The following MSRA variants were observed in gnomAD, a reference collection of about 807,000 sequenced individuals.
MSRA encodes the protein methionine sulfoxide reductase A.
In MSRA, 54 loss-of-function variants were observed where a neutral mutation model predicts 31.3. That is an observed-to-expected ratio of 1.73 (90% CI 1.39 to 2.17). The LOEUF is 2.17. Among genes scored for constraint, MSRA ranks in the 30% most tolerant of loss-of-function variants. The pLI is 0.00. For synonymous variants in MSRA, 169 were observed against 116.5 expected (o/e 1.45, Z -2.90); for missense variants, 507 against 300.9 (o/e 1.69, Z -5.07).
At chr8:10,114,937 A>T (rs916226846) in intron 1 of MSRA, among the ~76,000 whole-genome samples, 2 of 152,214 alleles carry the variant, frequency 1.3e-5, no homozygotes, top group Non-Finnish European at 2.9e-5. Flanking sequence ...CTCAAGATAT[A>T]TTTGGGGGAA....
At chr8:10,157,650 C>G (rs1003471193) in intron 1 of MSRA, among the ~76,000 whole-genome samples, 1 of 151,940 alleles carries the variant, frequency 6.6e-6, no homozygotes, top group African/African-American at 2.4e-5. Context: ...AATAATAGTT[C>G]TTTAATATCA....
At chr8:10,197,217 G>A (rs1189403716) in intron 1 of MSRA, among the ~76,000 whole-genome samples, 1 of 152,142 alleles carries the variant, frequency 6.6e-6, no homozygotes, top group Admixed American at 6.6e-5. Context: ...ATAAAAGTCA[G>A]GTGGAAAATT....
intron 3 of MSRA, among the ~76,000 whole-genome samples, chr8:10,249,854 C>T (rs1563268597): frequency 6.6e-6 from 1 of 152,190 alleles, no homozygotes; most frequent in Non-Finnish European, 1.5e-5. Flanking sequence ...ATCTGGCTGG[C>T]ACTAGGGAAC....
At chr8:10,389,807 T>C (rs1806624959) in intron 5 of MSRA, among the ~76,000 whole-genome samples, 3 of 114,598 alleles carry the variant, frequency 2.6e-5, no homozygotes, top group East Asian at 2.1e-4. Flanking sequence ...TTTTTTTTTC[T>C]TTTTTAGAAG....
chr8:10,389,615 G>A (rs999876724), intron 5 of MSRA, among the ~76,000 whole-genome samples: 3 of 152,102 alleles, frequency 2.0e-5, no homozygotes, highest in Non-Finnish European at 4.4e-5. Context: ...CCCACCCACC[G>A]GGGAGCAGGC....
intron 3 of MSRA, among the ~76,000 whole-genome samples, chr8:10,267,001 C>G (rs1161840902): frequency 6.6e-6 from 1 of 152,084 alleles, no homozygotes; most frequent in African/African-American, 2.4e-5. Flanking sequence ...TGTTATATTC[C>G]TGATTATATT....
In MSRA at chr8:10,096,100, T is replaced by C. The variant is rs74506146; in HGVS notation, c.142+41442T>C. On this transcript the variant is annotated intron_variant, in intron 1 of 5. Coordinates refer to ENST00000317173, the MANE Select transcript of MSRA (RefSeq NM_012331.5). ...TTAGACATTTATAGACATTAACTTT[T>C]CAAGGAGCCTTTCTAAGATTTTATG... 802 of 1,311,012 alleles carry C rather than the reference T, an allele frequency of 6.1e-4. 8 individuals are homozygous for C. The East Asian group carries it at 0.012, about 20-fold the overall frequency. The allele number at this position is 1,311,012 out of a possible 1,614,324, so 81.2% of individuals were successfully genotyped here. A position where few individuals can be genotyped will look rare whatever the true frequency, so the allele number is the denominator to read the frequency against.
chr8:10,197,987 T>C (rs919431665), intron 1 of MSRA, among the ~76,000 whole-genome samples: 13 of 152,088 alleles, frequency 8.5e-5, no homozygotes, highest in Admixed American at 8.5e-4. Flanking sequence ...GAAGAGAGGG[T>C]GACTGCTTTC....
chr8:10,271,439 G>C (rs1002777142), intron 3 of MSRA, among the ~76,000 whole-genome samples: 2 of 30,490 alleles, frequency 6.6e-5, no homozygotes, highest in South Asian at 1.6e-3. Context: ...CTAAGGGATG[G>C]AAATTGACTA....
At chr8:10,066,875 C>CTT (rs35203671) in intron 1 of MSRA, among the ~76,000 whole-genome samples, 29 of 141,716 alleles carry the variant, frequency 2.0e-4, no homozygotes, top group Non-Finnish European at 2.5e-4. Flanking sequence ...TCTTAAATGA[C>CTT]TTTTTTTTTT....
intron 5 of MSRA, among the ~76,000 whole-genome samples, chr8:10,368,030 C>G (rs996723698): frequency 6.6e-6 from 1 of 152,074 alleles, no homozygotes; most frequent in African/African-American, 2.4e-5. Context: ...GTGGAGCTGC[C>G]GGACGGTAGA....
intron 5 of MSRA, among the ~76,000 whole-genome samples, chr8:10,408,640 A>G (rs952898162): frequency 1.3e-5 from 2 of 152,346 alleles, no homozygotes; most frequent in South Asian, 4.1e-4. Context: ...TTGCATGCAT[A>G]CATTGTGTAG....
intron 5 of MSRA, among the ~76,000 whole-genome samples, chr8:10,417,804 G>A (rs915575208): frequency 1.4e-5 from 2 of 143,264 alleles, no homozygotes; most frequent in Middle Eastern, 7.2e-3. Flanking sequence ...GTGTGCACAC[G>A]CAGGACAAGC....
At chr8:10,292,617 C>G (rs768369189) in intron 3 of MSRA, among the ~76,000 whole-genome samples, 3 of 152,210 alleles carry the variant, frequency 2.0e-5, no homozygotes, top group Non-Finnish European at 2.9e-5. Context: ...CAAAGTCAGT[C>G]CCACAGAATC....
At chr8:10,058,059 C>T (rs892123410) in intron 1 of MSRA, among the ~76,000 whole-genome samples, 1 of 152,142 alleles carries the variant, frequency 6.6e-6, no homozygotes, top group Non-Finnish European at 1.5e-5. Context: ...ATAACTTTGA[C>T]AAGTTTGATT....
chr8:10,259,019 AT>A (rs1307262531), intron 3 of MSRA, among the ~76,000 whole-genome samples: 1 of 152,050 alleles, frequency 6.6e-6, no homozygotes, highest in African/African-American at 2.4e-5. Context: ...AGGCAGGAGA[AT>A]CACTTGAACC....
intron 5 of MSRA, among the ~76,000 whole-genome samples, chr8:10,400,987 G>T (rs953736385): frequency 1.3e-5 from 2 of 152,116 alleles, no homozygotes; most frequent in African/African-American, 4.8e-5. Context: ...ATCTCTGATG[G>T]AGTTGGTACT....
At chr8:10,066,943 C>T (rs1270787463) in intron 1 of MSRA, among the ~76,000 whole-genome samples, 2 of 151,380 alleles carry the variant, frequency 1.3e-5, no homozygotes, top group African/African-American at 2.4e-5. Context: ...AGTTCCCATA[C>T]ACACTCCTCC....
chr8:10,289,145 A>G (rs1047738784), intron 3 of MSRA, among the ~76,000 whole-genome samples: 1 of 152,044 alleles, frequency 6.6e-6, no homozygotes, highest in Admixed American at 6.6e-5. Flanking sequence ...TCTCTGGAGT[A>G]GCTGGGTTTA....
Sources: allele counts gnomAD v4.1 joint callset (sites outside exome capture counted in the v4.1 genomes callset), GRCh38; gene constraint gnomAD v4.1.1; transcripts MANE v1.5; gene names NCBI Gene and HGNC (gene_info 2026-07-23, HGNC 2026-07-21).